DLGAP2: variants seen among roughly 807,000 people sequenced by gnomAD.
DLGAP2 encodes the protein disks large-associated protein 2.
A neutral mutation model predicts 100.3 loss-of-function variants in DLGAP2; 26 were observed. The observed-to-expected ratio is 0.26, with a 90% CI of 0.19 to 0.36. DLGAP2 has a LOEUF of 0.36. Ranked by LOEUF, DLGAP2 falls within the 10% of genes least tolerant of loss-of-function variation. The probability of loss-of-function intolerance (pLI) is 1.00; values close to 1 mark genes in which losing one functional copy is unlikely to be tolerated. For synonymous variants in DLGAP2, 886 were observed against 630.1 expected, an observed-to-expected ratio of 1.41 and a Z score of -6.08; for missense variants, 1,858 against 1,453.2, an observed-to-expected ratio of 1.28 and a Z score of -4.53.
intron 2 of DLGAP2, among the ~76,000 whole-genome samples, chr8:966,501 C>A (rs568377819): frequency 6.6e-6 from 1 of 152,194 alleles, no homozygotes; most frequent in Non-Finnish European, 1.5e-5. Flanking sequence ...TCCATTTGGT[C>A]TTTGAGAATG....
intron 2 of DLGAP2, among the ~76,000 whole-genome samples, chr8:1,203,279 C>T (rs762845899): frequency 3.3e-5 from 5 of 149,792 alleles, no homozygotes; most frequent in Non-Finnish European, 7.5e-5. Context: ...GTGATGAGGC[C>T]GCCCACCCCT....
At chr8:1,263,519 G>C (rs547923451) in intron 3 of DLGAP2, among the ~76,000 whole-genome samples, 22 of 152,246 alleles carry the variant, frequency 1.4e-4, no homozygotes, top group South Asian at 2.1e-4. Flanking sequence ...TCAAGATATT[G>C]GGAAAGTTTT....
intron 2 of DLGAP2, among the ~76,000 whole-genome samples, chr8:917,605 A>C (rs1242447703): frequency 6.6e-6 from 1 of 151,668 alleles, no homozygotes; most frequent in Non-Finnish European, 1.5e-5. Flanking sequence ...TTGCTGAGAC[A>C]GGGTCTCGCT....
chr8:1,116,331 G>A (rs757470908), intron 2 of DLGAP2, among the ~76,000 whole-genome samples: 1 of 152,196 alleles, frequency 6.6e-6, no homozygotes, highest in Non-Finnish European at 1.5e-5. Context: ...CAGCCTGGAC[G>A]AAGAGTGAGC....
At chr8:1,112,702 A>G (rs1304046711) in intron 2 of DLGAP2, among the ~76,000 whole-genome samples, 1 of 152,212 alleles carries the variant, frequency 6.6e-6, no homozygotes, top group Non-Finnish European at 1.5e-5. Flanking sequence ...CTTTTGCTCT[A>G]CAGAGGTTCT....
chr8:938,345 C>T (rs1367015296), intron 2 of DLGAP2, among the ~76,000 whole-genome samples: 1 of 152,118 alleles, frequency 6.6e-6, no homozygotes, highest in East Asian at 1.9e-4. Context: ...TACAGGTATG[C>T]GCCACCATGC....
intron 6 of DLGAP2, among the ~76,000 whole-genome samples, chr8:1,567,427 G>A (rs946900396): frequency 6.6e-6 from 1 of 152,218 alleles, no homozygotes; most frequent in Admixed American, 6.5e-5. Flanking sequence ...CACTTTAAAT[G>A]TTTGTGATTC....
At chr8:1,056,294 C>T (rs927648115) in intron 2 of DLGAP2, among the ~76,000 whole-genome samples, 1 of 152,154 alleles carries the variant, frequency 6.6e-6, no homozygotes, top group Non-Finnish European at 1.5e-5. Flanking sequence ...GCCCCTCTAA[C>T]GCATCCCATA....
At chr8:1,323,032 AT>A (rs368233603) in intron 3 of DLGAP2, among the ~76,000 whole-genome samples, 2,116 of 142,210 alleles carry the variant, frequency 0.015, 32 homozygotes, top group African/African-American at 0.038. Context: ...TAAACTCACA[AT>A]TTTTTTTTTT....
At chr8:927,993 T>C (rs770949561) in intron 2 of DLGAP2, among the ~76,000 whole-genome samples, 8 of 152,106 alleles carry the variant, frequency 5.3e-5, no homozygotes, top group Non-Finnish European at 8.8e-5. Flanking sequence ...GGGAAGCACG[T>C]GTGTGCAGTA....
At chr8:1,457,952 G>C (rs955580106) in intron 3 of DLGAP2, among the ~76,000 whole-genome samples, 1 of 126,924 alleles carries the variant, frequency 7.9e-6, no homozygotes, top group Admixed American at 8.6e-5. Context: ...CTAAACTCCT[G>C]TCAATTGTCT....
At chr8:1,224,043 T>A (rs182276514) in intron 2 of DLGAP2, among the ~76,000 whole-genome samples, 1 of 152,332 alleles carries the variant, frequency 6.6e-6, no homozygotes, top group East Asian at 1.9e-4. Context: ...AGTTAAGCAA[T>A]GAATCAAAAC....
At chr8:789,719 G>T (rs1233770366) in intron 1 of DLGAP2, among the ~76,000 whole-genome samples, 2 of 152,202 alleles carry the variant, frequency 1.3e-5, no homozygotes, top group African/African-American at 4.8e-5. Context: ...CAGTCCTTTG[G>T]ACGGCGTCTG....
chr8:1,658,290 G>C (rs1271559187), intron 8 of DLGAP2, among the ~76,000 whole-genome samples: 1 of 152,060 alleles, frequency 6.6e-6, no homozygotes, highest in Non-Finnish European at 1.5e-5. Context: ...CTGGCTTCCA[G>C]GTACAGCTGC....
intron 1 of DLGAP2, among the ~76,000 whole-genome samples, chr8:752,544 G>T (rs1276483949): frequency 1.3e-5 from 2 of 152,198 alleles, no homozygotes; most frequent in African/African-American, 2.4e-5. Context: ...AGCACCAGCC[G>T]CCTATGCTTG....
intron 1 of DLGAP2, among the ~76,000 whole-genome samples, chr8:884,595 G>C (rs538924777): frequency 6.6e-6 from 1 of 152,000 alleles, no homozygotes; most frequent in South Asian, 2.1e-4. Flanking sequence ...TGTTCATTTC[G>C]ATGATAGTTT....
chr8:1,118,924 C>T (rs1294472915), intron 2 of DLGAP2, among the ~76,000 whole-genome samples: 1 of 152,192 alleles, frequency 6.6e-6, no homozygotes, highest in African/African-American at 2.4e-5. Flanking sequence ...TTTTGTGAGA[C>T]ATAGCATTAT....
intron 1 of DLGAP2, among the ~76,000 whole-genome samples, chr8:877,969 A>G (rs1322934642): frequency 3.3e-5 from 5 of 152,224 alleles, no homozygotes; most frequent in South Asian, 4.1e-4. Flanking sequence ...TCCCACAGGT[A>G]CTTGTCTCCC....
chr8:1,449,971 T>C (rs1224652613), intron 3 of DLGAP2, among the ~76,000 whole-genome samples: 26 of 67,260 alleles, frequency 3.9e-4, no homozygotes, highest in South Asian at 6.7e-4. Context: ...GTGGGCGGCC[T>C]CGGTGACTGA....
Sources: gnomAD v4.1 joint callset for allele counts (sites outside exome capture counted in the v4.1 genomes callset) on GRCh38, gnomAD v4.1.1 for gene constraint, MANE v1.5 for transcripts, NCBI Gene and HGNC (gene_info 2026-07-23, HGNC 2026-07-21) for gene names.